Variants in TRIM14 observed in about 807,000 individuals in gnomAD.
TRIM14 encodes the protein tripartite motif-containing protein 14.
In TRIM14, 28 loss-of-function variants were observed where a neutral mutation model predicts 44.5. The ratio of observed to expected loss-of-function variants is 0.63; its 90% CI spans 0.47 to 0.86. The LOEUF is 0.86. Among genes scored for constraint, TRIM14 ranks in the 40% least tolerant of loss-of-function variants. The probability of loss-of-function intolerance (pLI) is 0.00; values close to 1 mark genes in which losing one functional copy is unlikely to be tolerated. For missense variants in TRIM14, 607 were observed against 611.1 expected (o/e 0.99, Z 0.07); for synonymous variants, 299 against 269.2 (o/e 1.11, Z -1.08).
At chr9:98,082,857 T>C (rs1209606204), downstream of TRIM14, 11 of 1,614,046 alleles carry the variant, frequency 6.8e-6, no homozygotes, top group Non-Finnish European at 9.3e-6. Flanking sequence ...TGGGCAAGTC[T>C]GTGGTGGCCA....
At chr9:98,064,949 C>T (rs912526395), downstream of TRIM14, among the ~76,000 whole-genome samples, 7 of 152,064 alleles carry the variant, frequency 4.6e-5, no homozygotes, top group East Asian at 1.9e-4. Context: ...TTTAAACCTA[C>T]GTAAAAAGGT....
At chr9:98,081,675 C>T (rs1297272119), downstream of TRIM14, 1 of 152,522 alleles carries the variant, frequency 6.6e-6, no homozygotes, top group Non-Finnish European at 1.5e-5. Context: ...GTGGCCTGGA[C>T]CTTCTTGCCT....
rs749407973 is a variant in TRIM14 at position 98,100,117 on chromosome 9, T to C, written c.351A>G (p.Glu117=). The change falls in exon 3 of 6, where the codon GAA becomes GAG. Residue 117 remains glutamate (E), a synonymous_variant. Coordinates refer to ENST00000341469, the MANE Select transcript of TRIM14 (RefSeq NM_014788.4). ...SKTWLKGKFT[E]LRLLLDEEEA... ...CCTCTTCGTCAAGTAGTAATCTGAG[T>C]TCAGTGAATTTCCCCTTCAGCCAGG... 1.2e-6 allele frequency: 2 copies of C among 1,614,138 alleles called. No individual in the cohort carries two copies. The highest frequency in any genetic ancestry group is 4.5e-5 in the East Asian group (2 of 44,890).
the TRIM14 span, among the ~76,000 whole-genome samples, chr9:98,052,507 T>TTTTTG: frequency 6.6e-6 from 1 of 151,992 alleles, no homozygotes; most frequent in Non-Finnish European, 1.5e-5. Flanking sequence ...AACTGTTAAA[T>TTTTTG]TTTTGTTTTG....
the TRIM14 span, among the ~76,000 whole-genome samples, chr9:98,055,830 C>T: frequency 3.3e-5 from 5 of 151,996 alleles, no homozygotes; most frequent in African/African-American, 7.2e-5. Flanking sequence ...CTCCACCTCC[C>T]GGGTTCAAGC....
chr9:98,116,473 G>C (rs755874785), intron 1 of TRIM14, among the ~76,000 whole-genome samples: 1 of 152,122 alleles, frequency 6.6e-6, no homozygotes, highest in Non-Finnish European at 1.5e-5. Context: ...TTCACCCAAT[G>C]TGTATGGGTA....
chr9:98,054,014 A>C, the TRIM14 span, among the ~76,000 whole-genome samples: 1 of 152,148 alleles, frequency 6.6e-6, no homozygotes, highest in Non-Finnish European at 1.5e-5. Context: ...GCAAGGCTCA[A>C]ACTGTCTTCC....
chr9:98,109,025 G>C (rs1324509202), intron 2 of TRIM14, among the ~76,000 whole-genome samples: 1 of 151,958 alleles, frequency 6.6e-6, no homozygotes, highest in East Asian at 1.9e-4. Flanking sequence ...CTGCAGGCGT[G>C]CACCACCATA....
chr9:98,062,471 T>C, the TRIM14 span, among the ~76,000 whole-genome samples: 7 of 152,106 alleles, frequency 4.6e-5, no homozygotes, highest in Non-Finnish European at 7.3e-5. Flanking sequence ...AAAATTTTAC[T>C]TGTAAAAATA....
the TRIM14 span, among the ~76,000 whole-genome samples, chr9:98,063,613 C>G: frequency 6.6e-6 from 1 of 151,962 alleles, no homozygotes; most frequent in East Asian, 1.9e-4. Context: ...GCAATCATAG[C>G]TTACTGCAGT....
chr9:98,089,857 G>A (rs1053953272), intron 5 of TRIM14, among the ~76,000 whole-genome samples: 3 of 152,156 alleles, frequency 2.0e-5, no homozygotes, highest in South Asian at 2.1e-4. Flanking sequence ...AGGCGGTACC[G>A]TTAAGGGCAG....
In TRIM14 at chr9:98,109,938, T is replaced by A; in HGVS notation, c.254A>T (p.Gln85Leu). 1 of 1,614,158 alleles carries A rather than the reference T, an allele frequency of 6.2e-7. No individual in the cohort carries two copies. The highest frequency in any genetic ancestry group is 8.5e-7 in the Non-Finnish European group (1 of 1,180,008). The change falls in exon 2 of 6, where the codon CAG becomes CTG. Residue 85 changes from glutamine (Q) to leucine (L), a missense_variant. Physicochemically the swap from Gln to Leu is moderately radical, Grantham distance 113. Coordinates refer to ENST00000341469, the MANE Select transcript of TRIM14 (RefSeq NM_014788.4). Reference sequence around the variant, plus strand: ...TATCTGGGTTATGTTGTCAATGTGCTGCTGCTTCTTGATTGCCAGCTGCTT... The same window carrying A: ...TATCTGGGTTATGTTGTCAATGTGCAGCTGCTTCTTGATTGCCAGCTGCTT... ...CLKQLAIKKQ[Q>L]HIDNITQIED...
chr9:98,093,148 G>A (rs1398853997), intron 4 of TRIM14, among the ~76,000 whole-genome samples: 1 of 151,998 alleles, frequency 6.6e-6, no homozygotes, highest in Non-Finnish European at 1.5e-5. Context: ...TTCCTTCTGC[G>A]AGTTGCCCAC....
chr9:98,078,406 T>A, intron 6 of TRIM14: 1 of 1,554,386 alleles, frequency 6.4e-7, no homozygotes, highest in Non-Finnish European at 8.7e-7. Flanking sequence ...AGGCGTAGTC[T>A]TTTTTATAAC....
chr9:98,083,263 G>A (rs1829970902), downstream of TRIM14, among the ~76,000 whole-genome samples: 1 of 152,196 alleles, frequency 6.6e-6, no homozygotes, highest in African/African-American at 2.4e-5. Context: ...TCTCCTTCAA[G>A]TTGGCCAGCT....
At chr9:98,072,909 T>G (rs1829406448) in intron 6 of TRIM14, among the ~76,000 whole-genome samples, 1 of 152,204 alleles carries the variant, frequency 6.6e-6, no homozygotes, top group Non-Finnish European at 1.5e-5. Context: ...GGGCGTTCTC[T>G]GTGTGCTGAG....
chr9:98,042,857 A>G, the TRIM14 span, among the ~76,000 whole-genome samples: 2 of 151,482 alleles, frequency 1.3e-5, no homozygotes, highest in African/African-American at 4.9e-5. Flanking sequence ...AGACAGAGCG[A>G]GACTCTACCT....
In TRIM14 at chr9:98,087,652, G is replaced by T. The variant is rs774476061; in HGVS notation, c.1147C>A (p.Arg383=). ...AGCCGGTCGAGGTCGTCGCGGGGCCGCAGGCGGCTGCGCTGGCCGTCGTGG... is the reference window on the plus strand; with the variant it reads ...AGCCGGTCGAGGTCGTCGCGGGGCCTCAGGCGGCTGCGCTGGCCGTCGTGG... ...AFHDGQRSRL[R]PRDDLDRLGV... is the part of the protein sequence containing the mutation. Residue 383 remains arginine (R), a synonymous_variant, in exon 6 of 6, where the codon CGG becomes AGG. Coordinates refer to ENST00000341469, the MANE Select transcript of TRIM14 (RefSeq NM_014788.4). 2 of 1,603,794 alleles carry T rather than the reference G, an allele frequency of 1.2e-6. No homozygotes were observed. The highest frequency in any genetic ancestry group is 8.5e-7 in the Non-Finnish European group (1 of 1,178,452).
At chr9:98,094,828 G>A in intron 4 of TRIM14, 39 bp downstream of exon 4, 3 of 1,601,228 alleles carry the variant, frequency 1.9e-6, no homozygotes, top group Non-Finnish European at 2.6e-6. Context: ...AGGACACTAG[G>A]GGAGTTAAGG....
Sources: allele counts gnomAD v4.1 joint callset (sites outside exome capture counted in the v4.1 genomes callset), GRCh38; gene constraint gnomAD v4.1.1; transcripts MANE v1.5; gene names NCBI Gene and HGNC (gene_info 2026-07-23, HGNC 2026-07-21).